NEK10: variants seen among roughly 807,000 people sequenced by gnomAD.
The protein encoded by NEK10 is NIMA related kinase 10.
NEK10 carries 122 observed loss-of-function variants against 159.8 expected under a neutral mutation model. That is an observed-to-expected ratio of 0.76 (90% CI 0.66 to 0.89). NEK10 has a LOEUF of 0.89. Ranked by LOEUF, NEK10 falls within the 40% of genes least tolerant of loss-of-function variation. NEK10 has a pLI of 0.00. For synonymous variants in NEK10, 466 were observed against 457.1 expected, an observed-to-expected ratio of 1.02 and a Z score of -0.25; for missense variants, 1,342 against 1,323.1, an observed-to-expected ratio of 1.01 and a Z score of -0.22.
intron 31 of NEK10, among the ~76,000 whole-genome samples, chr3:27,132,668 T>C (rs1209852909): frequency 6.6e-6 from 1 of 152,146 alleles, no homozygotes; most frequent in Non-Finnish European, 1.5e-5. Context: ...GCTTTGTAGG[T>C]TGGATCTCTA....
intron 23 of NEK10, among the ~76,000 whole-genome samples, chr3:27,212,344 C>T (rs1450150084): frequency 2.1e-5 from 3 of 145,610 alleles, no homozygotes; most frequent in African/African-American, 7.4e-5. Context: ...ACCATATTTG[C>T]TCAAAAAATG....
chr3:27,144,362 A>G (rs1463643409), intron 30 of NEK10, among the ~76,000 whole-genome samples: 1 of 152,210 alleles, frequency 6.6e-6, no homozygotes, highest in Non-Finnish European at 1.5e-5. Context: ...TCTCATGATA[A>G]TAAGTGATGC....
chr3:27,173,073 G>A (rs1243039554), intron 28 of NEK10, among the ~76,000 whole-genome samples: 1 of 152,132 alleles, frequency 6.6e-6, no homozygotes, highest in Non-Finnish European at 1.5e-5. Flanking sequence ...TGTACATACT[G>A]TAAAAATTGT....
rs1376608179 is a variant in NEK10, at chr3:27,110,689, G to A, written c.*583C>T. The A allele has an allele frequency of 6.6e-6, 1 of 151,662 alleles. No individual in the cohort carries two copies. Among genetic ancestry groups the A allele is most frequent in the African/African-American group, 2.4e-5 (1 of 41,164 alleles). 9.4% of individuals were successfully genotyped at this position (151,662 alleles called of 1,614,324 possible). The stretch of plus-strand genomic sequence containing the variant: ...ACTGTATCACAGTTCAAGACCACTA[G>A]CACCCAAGTGGTTAAGCGAGAACCA... On this transcript the variant is annotated 3_prime_UTR_variant, in exon 36 of 36. Coordinates refer to ENST00000691995, the MANE Select transcript of NEK10 (RefSeq NM_001394966.1).
intron 32 of NEK10, among the ~76,000 whole-genome samples, chr3:27,130,138 C>T (rs747846985): frequency 9.9e-5 from 15 of 152,128 alleles, no homozygotes; most frequent in Non-Finnish European, 1.0e-4. Flanking sequence ...CTTTCCCTAC[C>T]TAAAGGTCCA....
chr3:27,127,103 C>G (rs186319946), intron 32 of NEK10, among the ~76,000 whole-genome samples: 1 of 152,104 alleles, frequency 6.6e-6, no homozygotes, highest in Non-Finnish European at 1.5e-5. Context: ...ATGAATTCCA[C>G]GTACCCGTCA....
chr3:27,235,803 C>T (rs921044661), intron 23 of NEK10, among the ~76,000 whole-genome samples: 1 of 152,074 alleles, frequency 6.6e-6, no homozygotes, highest in African/African-American at 2.4e-5. Flanking sequence ...TATAAAGAAA[C>T]ATGCATGCAC....
chr3:27,348,072 G>A (rs2047696754), intron 3 of NEK10, among the ~76,000 whole-genome samples: 1 of 152,072 alleles, frequency 6.6e-6, no homozygotes, highest in African/African-American at 2.4e-5. Flanking sequence ...AATAAAATTT[G>A]TCATTACAAA....
chr3:27,184,424 A>G (rs1174736507), intron 26 of NEK10, among the ~76,000 whole-genome samples: 2 of 152,218 alleles, frequency 1.3e-5, no homozygotes, highest in Admixed American at 1.3e-4. Context: ...AATTGTATAG[A>G]AAGAGGCTTA....
Position 27,347,457 on chromosome 3 carries a change from G to A in NEK10, c.133-1241C>T, listed in dbSNP as rs1251994031. On this transcript the variant is annotated intron_variant, in intron 3 of 35. Coordinates refer to ENST00000691995, the MANE Select transcript of NEK10 (RefSeq NM_001394966.1). ...GCAGAGGTTGCGATAAGCCAAGATC[G>A]TGCCATTGCACTCCAGTCTGGGCAA... 3.0e-5 allele frequency among the ~76,000 whole-genome samples: 4 copies of A among 132,982 alleles called. No individual in the cohort carries two copies. The East Asian group carries it at 6.7e-4, about 22-fold the overall frequency. 87.2% of individuals were successfully genotyped at this position (132,982 alleles called of 152,430 possible).
At chr3:27,238,898 G>C (rs978931116) in intron 23 of NEK10, among the ~76,000 whole-genome samples, 1 of 151,862 alleles carries the variant, frequency 6.6e-6, no homozygotes, top group African/African-American at 2.4e-5. Context: ...ATTTTCTGGG[G>C]TTTAAATACC....
At chr3:27,121,265 C>G (rs367633886) in intron 32 of NEK10, among the ~76,000 whole-genome samples, 2 of 152,234 alleles carry the variant, frequency 1.3e-5, no homozygotes, top group African/African-American at 4.8e-5. Context: ...TAAAAAAGAA[C>G]AAACTATGGA....
Position 27,110,024 on chromosome 3 carries a change from C to T in NEK10, c.*1248G>A, listed in dbSNP as rs1939361187. ...TTTCAACCACTGTAAATACATTGAA[C>T]TAAAATCGATTCAATCATACTAAAA... On this transcript the variant is annotated 3_prime_UTR_variant, in exon 36 of 36. Coordinates refer to ENST00000691995, the MANE Select transcript of NEK10 (RefSeq NM_001394966.1). The T allele has an allele frequency of 6.6e-6, 1 of 151,982 alleles. No individual in the cohort carries two copies. Among genetic ancestry groups the T allele is most frequent in the East Asian group, 1.9e-4 (1 of 5,198 alleles). The allele number at this position is 151,982 out of a possible 1,614,324, so 9.4% of individuals were successfully genotyped here.
At chr3:27,231,348 G>A (rs1289237898) in intron 23 of NEK10, among the ~76,000 whole-genome samples, 1 of 151,854 alleles carries the variant, frequency 6.6e-6, no homozygotes, top group Non-Finnish European at 1.5e-5. Flanking sequence ...CAGCAAAAGT[G>A]GTGCTAAAAG....
intron 6 of NEK10, among the ~76,000 whole-genome samples, chr3:27,318,173 G>A (rs1436989872): frequency 6.6e-6 from 1 of 152,070 alleles, no homozygotes; most frequent in East Asian, 1.9e-4. Flanking sequence ...TCTAGGTTTG[G>A]AACAGTAACC....
At chr3:27,274,926 C>A (rs1456427679) in intron 22 of NEK10, among the ~76,000 whole-genome samples, 1 of 152,182 alleles carries the variant, frequency 6.6e-6, no homozygotes, top group African/African-American at 2.4e-5. Context: ...CAGACGACAT[C>A]ACACATCAGA....
intron 24 of NEK10, 46 bp from the exon 25 acceptor site, chr3:27,201,626 A>T: frequency 7.2e-7 from 1 of 1,388,196 alleles, no homozygotes; most frequent in Non-Finnish European, 1.0e-6. Context: ...GGGGCCACGG[A>T]TGTCTTTGAA....
intron 3 of NEK10, among the ~76,000 whole-genome samples, chr3:27,349,848 C>A (rs939957514): frequency 6.6e-6 from 1 of 152,136 alleles, no homozygotes; most frequent in African/African-American, 2.4e-5. Context: ...CCTGCTCATC[C>A]TGAAGGAGGC....
In NEK10 at chr3:27,352,834, T is replaced by C. The variant is rs780425588; in HGVS notation, c.49A>G (p.Lys17Glu). ...KVKTTEKSTD[K>E]QQEITIRDYS... ...TACCTGATGGTGATTTCTTGCTGTT[T>C]ATCAGTTGATTTTTCTGTGGTCTTC... Residue 17 changes from lysine (K) to glutamate (E), a missense_variant, in exon 2 of 36, where the codon AAA becomes GAA. Lys to Glu is a moderately conservative substitution (Grantham distance 56). Transcript: ENST00000691995. 5.0e-6 allele frequency: 8 copies of C among 1,610,706 alleles called. No homozygotes were observed. Among genetic ancestry groups the C allele is most frequent in the Non-Finnish European group, 6.8e-6 (8 of 1,177,218 alleles).
Sources: allele counts gnomAD v4.1 joint callset (sites outside exome capture counted in the v4.1 genomes callset), GRCh38; gene constraint gnomAD v4.1.1; transcripts MANE v1.5; gene names NCBI Gene and HGNC (gene_info 2026-07-23, HGNC 2026-07-21).